Variants in MCCC2 observed in about 807,000 individuals in gnomAD.
MCCC2 encodes the protein methylcrotonoyl-CoA carboxylase beta chain, mitochondrial.
Under a neutral mutation model 77.2 loss-of-function variants are expected in MCCC2, and 52 were observed. That is an observed-to-expected ratio of 0.67 (90% CI 0.54 to 0.85). The LOEUF (loss-of-function observed/expected upper bound fraction) is 0.85, where lower values mean the gene tolerates loss of function less well. Ranked by LOEUF, MCCC2 falls within the 40% of genes least tolerant of loss-of-function variation. The probability of loss-of-function intolerance (pLI) is 0.00; values close to 1 mark genes in which losing one functional copy is unlikely to be tolerated. For synonymous variants in MCCC2, 253 were observed against 248.4 expected, an observed-to-expected ratio of 1.02 and a Z score of -0.18; for missense variants, 682 against 703.2, an observed-to-expected ratio of 0.97 and a Z score of 0.34.
chr5:71,644,758 G>T (rs1006512860), intron 12 of MCCC2, among the ~76,000 whole-genome samples: 7 of 152,056 alleles, frequency 4.6e-5, no homozygotes, highest in Non-Finnish European at 8.8e-5. Context: ...AGGCAGTTAA[G>T]CTCTTTCATA....
intron 3 of MCCC2, 149 bp downstream of exon 3, chr5:71,596,513 C>G: frequency 1.3e-6 from 1 of 768,964 alleles, no homozygotes; most frequent in East Asian, 2.6e-5. Context: ...GTGTCAAGCA[C>G]TATGTGTTGA....
intron 6 of MCCC2, among the ~76,000 whole-genome samples, chr5:71,608,283 A>C (rs1360288201): frequency 8.2e-6 from 1 of 121,508 alleles, no homozygotes; most frequent in Non-Finnish European, 1.7e-5. Context: ...ATATATATTT[A>C]GGATAGTTAG....
In MCCC2 at chr5:71,632,132, A is replaced by G; in HGVS notation, c.750A>G (p.Ala250=). The part of the protein sequence containing the change: ...FLAGPPLVKA[A]TGEEVSAEDL... ...TATCCTTGTTGTAGGTTAAAGCGGC[A>G]ACTGGGGAAGAAGTATCTGCTGAGG... Residue 250 remains alanine, a synonymous_variant, in exon 8 of 17, where the codon GCA becomes GCG. Coordinates refer to ENST00000340941, the MANE Select transcript of MCCC2 (RefSeq NM_022132.5). 6.2e-7 allele frequency: 1 copy of G among 1,614,192 alleles called. No homozygotes were observed. The highest frequency in any genetic ancestry group is 1.1e-5 in the South Asian group (1 of 91,080).
At chr5:71,640,152 C>T (rs2112451577) in intron 10 of MCCC2, among the ~76,000 whole-genome samples, 1 of 152,240 alleles carries the variant, frequency 6.6e-6, no homozygotes, top group South Asian at 2.1e-4. Flanking sequence ...GTGGATGATC[C>T]TTCAAGTATA....
intron 10 of MCCC2, 44 bp from the exon 11 acceptor site, chr5:71,640,959 T>C (rs781151090): frequency 1.3e-6 from 2 of 1,541,852 alleles, no homozygotes; most frequent in Non-Finnish European, 1.8e-6. Context: ...CAAAAATTCT[T>C]TTGCAATATA....
intron 6 of MCCC2, among the ~76,000 whole-genome samples, chr5:71,606,668 A>G (rs1745689086): frequency 1.1e-5 from 1 of 89,354 alleles, no homozygotes; most frequent in African/African-American, 4.5e-5. Context: ...TTCAAAGGGA[A>G]TGCTTCCAGT....
intron 2 of MCCC2, among the ~76,000 whole-genome samples, chr5:71,595,620 G>T (rs1367461188): frequency 6.6e-6 from 1 of 152,158 alleles, no homozygotes; most frequent in Non-Finnish European, 1.5e-5. Context: ...TGATACTTCT[G>T]TTCTTGCTCC....
At chr5:71,603,348 G>A (rs1209128174) in intron 5 of MCCC2, among the ~76,000 whole-genome samples, 6 of 149,960 alleles carry the variant, frequency 4.0e-5, no homozygotes, top group African/African-American at 9.9e-5. Flanking sequence ...CCTGGGAGGC[G>A]GAGCTTGCAG....
Position 71,602,435 on chromosome 5 carries a change from C to T in MCCC2, c.384-71C>T. The T allele has an allele frequency of 2.5e-6, 4 of 1,598,330 alleles. 1 individual carries two copies. The South Asian group carries it at 4.4e-5, about 18-fold the overall frequency. ...GAAGTTGAAGGTTGTATTGGGGTAT[C>T]TTGTAATGAGTGTAATTAGTTTTGA... On this transcript the variant is annotated intron_variant, in intron 4 of 16. Coordinates refer to ENST00000340941, the MANE Select transcript of MCCC2 (RefSeq NM_022132.5).
intron 16 of MCCC2, among the ~76,000 whole-genome samples, chr5:71,654,645 T>C (rs1231565511): frequency 6.6e-6 from 1 of 152,134 alleles, no homozygotes; most frequent in African/African-American, 2.4e-5. Context: ...TTGTGTGAGC[T>C]GTTAGCTTGT....
At chr5:71,622,940 C>T (rs556818687) in intron 6 of MCCC2, among the ~76,000 whole-genome samples, 1 of 152,268 alleles carries the variant, frequency 6.6e-6, no homozygotes, top group South Asian at 2.1e-4. Flanking sequence ...ATGTCTTGCT[C>T]CTGGTTTTCC....
intron 11 of MCCC2, 67 bp downstream of exon 11, chr5:71,641,142 T>TGAAA: frequency 3.5e-6 from 5 of 1,438,634 alleles, no homozygotes; most frequent in Non-Finnish European, 4.9e-6. Context: ...ATCTCTTGTT[T>TGAAA]CAAGACTTTG....
rs752630104 is a variant in MCCC2 at position 71,587,422 on chromosome 5, C to G, written c.-4C>G. Reference sequence around the variant, plus strand: ...GGCCGCTCTCTCGCTCGGTGCCCGCCGCCATGTGGGCCGTCCTGAGGTTAG... The same window carrying G: ...GGCCGCTCTCTCGCTCGGTGCCCGCGGCCATGTGGGCCGTCCTGAGGTTAG... On this transcript the variant is annotated 5_prime_UTR_variant, in exon 1 of 17. Transcript: ENST00000340941. The G allele has an allele frequency of 1.8e-5, 27 of 1,533,880 alleles. No homozygotes were observed. Among genetic ancestry groups the G allele is most frequent in the Middle Eastern group, 2.2e-4 (1 of 4,566 alleles).
intron 6 of MCCC2, among the ~76,000 whole-genome samples, chr5:71,613,950 G>A (rs905832391): frequency 2.7e-5 from 4 of 149,598 alleles, no homozygotes; most frequent in Non-Finnish European, 5.9e-5. Flanking sequence ...AATTCCAAGA[G>A]GTTCATATTA....
rs754536947 is a variant in MCCC2, at chr5:71,643,868, A to G, written c.1122A>G (p.Gly374=). 4 of 1,614,036 alleles carry G rather than the reference A, an allele frequency of 2.5e-6. No individual in the cohort carries two copies. In the Admixed American group the frequency reaches 6.7e-5, roughly 27 times the overall value. Residue 374 remains glycine, a synonymous_variant, in exon 12 of 17, where the codon GGA becomes GGG. Coordinates refer to ENST00000340941, the MANE Select transcript of MCCC2 (RefSeq NM_022132.5). ...CAGTAGGTATCGTTGGAAACAACGG[A>G]GTTCTCTTTTCTGAATCTGCAAAAA... ...GYPVGIVGNN[G]VLFSESAKKG...
chr5:71,612,817 G>A (rs539296930), intron 6 of MCCC2, among the ~76,000 whole-genome samples: 2 of 152,322 alleles, frequency 1.3e-5, no homozygotes, highest in South Asian at 4.1e-4. Context: ...CCTGGCCTCA[G>A]ATCATCCTCC....
chr5:71,633,133 T>TA (rs1561841506), intron 8 of MCCC2, among the ~76,000 whole-genome samples: 5 of 113,010 alleles, frequency 4.4e-5, no homozygotes, highest in African/African-American at 1.7e-4. Flanking sequence ...ATATATATAT[T>TA]TTTATTTTTT....
chr5:71,618,507 TCC>T (rs1746250162), intron 6 of MCCC2, among the ~76,000 whole-genome samples: 13 of 60,164 alleles, frequency 2.2e-4, no homozygotes, highest in Non-Finnish European at 4.4e-4. Flanking sequence ...CTTCCTTCCT[TCC>T]TTCCTTCCTT....
chr5:71,632,222 T>C (rs1189516660), intron 8 of MCCC2, 37 bp downstream of exon 8: 1 of 1,600,094 alleles, frequency 6.2e-7, no homozygotes, highest in Admixed American at 1.7e-5. Flanking sequence ...CGGGATTGAG[T>C]GTCATTTTGT....
Sources: gnomAD v4.1 joint callset for allele counts (sites outside exome capture counted in the v4.1 genomes callset) on GRCh38, gnomAD v4.1.1 for gene constraint, MANE v1.5 for transcripts, NCBI Gene and HGNC (gene_info 2026-07-23, HGNC 2026-07-21) for gene names.